The following KPTN variants were observed in gnomAD, a reference collection of about 807,000 sequenced individuals.
The protein encoded by KPTN is kaptin, actin binding protein.
A neutral mutation model predicts 52.6 loss-of-function variants in KPTN; 36 were observed. The observed-to-expected ratio is 0.68, with a 90% CI of 0.52 to 0.90. The LOEUF (loss-of-function observed/expected upper bound fraction) is 0.90. Among genes scored for constraint, KPTN ranks in the 40% least tolerant of loss-of-function variants. The probability of loss-of-function intolerance (pLI) is 0.00; values close to 1 mark genes in which losing one functional copy is unlikely to be tolerated. For missense variants in KPTN, 529 were observed against 576.2 expected, an observed-to-expected ratio of 0.92 and a Z score of 0.84; for synonymous variants, 271 against 248.4, an observed-to-expected ratio of 1.09 and a Z score of -0.85.
chr19:47,475,570 G>A (rs1451002478), intron 11 of KPTN, 26 bp from the exon 12 acceptor site: 2 of 1,608,566 alleles, frequency 1.2e-6, no homozygotes, highest in Admixed American at 1.7e-5. Context: ...GAATGAGGGG[G>A]ATGGAGCTGA....
chr19:47,479,842 C>A (rs970775505), intron 8 of KPTN, 21 bp downstream of exon 8: 31 of 1,597,122 alleles, frequency 1.9e-5, no homozygotes, highest in Non-Finnish European at 2.6e-5. Flanking sequence ...CTCTCCCCAT[C>A]CCCTCAAACC....
At chr19:47,479,515 A>C (rs2122686411) in intron 8 of KPTN, among the ~76,000 whole-genome samples, 2 of 152,264 alleles carry the variant, frequency 1.3e-5, no homozygotes, top group Admixed American at 1.3e-4. Context: ...GGGTGAGGAA[A>C]TACCGATGTG....
rs74402029 is a variant in KPTN, at chr19:47,479,953, C to G, written c.710-13G>C. Reference sequence around the variant, plus strand: ...ATCTGCAGAACCTCTGCGTGGAGAGCGAGGATTCAGAGCCCCAACCCCACC... The same window carrying G: ...ATCTGCAGAACCTCTGCGTGGAGAGGGAGGATTCAGAGCCCCAACCCCACC... On this transcript the variant is annotated splice_polypyrimidine_tract_variant and intron_variant, in intron 7 of 11. Coordinates refer to ENST00000338134, the MANE Select transcript of KPTN (RefSeq NM_007059.4). 1.2e-5 allele frequency: 20 copies of G among 1,606,376 alleles called. No homozygotes were observed. The highest frequency in any genetic ancestry group is 1.7e-4 in the Middle Eastern group (1 of 6,006).
intron 4 of KPTN, among the ~76,000 whole-genome samples, chr19:47,482,180 A>G (rs560190227): frequency 9.2e-5 from 14 of 152,344 alleles, no homozygotes; most frequent in Admixed American, 9.2e-4. Flanking sequence ...CATCCGGTCC[A>G]TGGCCACCTT....
upstream of KPTN, chr19:47,484,265 G>A: frequency 7.4e-7 from 1 of 1,356,984 alleles, no homozygotes; most frequent in African/African-American, 1.5e-5. Flanking sequence ...CCGTTGCGCG[G>A]GCTGATGACG....
In KPTN at chr19:47,483,591, G is replaced by A. The variant is rs781726445; in HGVS notation, c.227-7C>T. On this transcript the variant is annotated splice_region_variant and splice_polypyrimidine_tract_variant and intron_variant, in intron 1 of 11. Transcript: ENST00000338134. ...GAGACAATCTCCGCATCCACTGGGA[G>A]GGGAGAGTTCTAAGTTCAGTGTCAG... 7.8e-6 allele frequency: 12 copies of A among 1,548,160 alleles called. 1 individual carries two copies. The South Asian group carries it at 1.2e-4, about 15-fold the overall frequency.
Position 47,475,377 on chromosome 19 carries a change from G to A in KPTN, c.*39C>T, listed in dbSNP as rs1967626449. The A allele has an allele frequency of 1.2e-6, 2 of 1,602,574 alleles. No homozygotes were observed. The highest frequency in any genetic ancestry group is 1.7e-6 in the Non-Finnish European group (2 of 1,173,068). On this transcript the variant is annotated 3_prime_UTR_variant, in exon 12 of 12. Coordinates refer to ENST00000338134, the MANE Select transcript of KPTN (RefSeq NM_007059.4). ...CAGCGGCTGGAGGTGAGCACGCCATGAGTCGCCCCAGGTCTGGGAAGAGTG... is the reference window on the plus strand; with the variant it reads ...CAGCGGCTGGAGGTGAGCACGCCATAAGTCGCCCCAGGTCTGGGAAGAGTG...
At chr19:47,475,715 G>A (rs778764564) in intron 11 of KPTN, among the ~76,000 whole-genome samples, 171 bp from the exon 12 acceptor site, 1 of 152,164 alleles carries the variant, frequency 6.6e-6, no homozygotes, top group Non-Finnish European at 1.5e-5. Flanking sequence ...CAGGGGTGAA[G>A]GGGAGTGGCC....
In KPTN at chr19:47,475,268, TG is replaced by T; in HGVS notation, c.*147del. On this transcript the variant is annotated 3_prime_UTR_variant, in exon 12 of 12. Coordinates refer to ENST00000338134, the MANE Select transcript of KPTN (RefSeq NM_007059.4). ...GGACATTGACGTACAGAGAGAGGAG[TG>T]GGTTAGCTGGGGCCCCAGGGCACAG... 3 of 722,258 alleles carry T rather than the reference TG, an allele frequency of 4.2e-6. No individual in the cohort carries two copies. Among genetic ancestry groups the T allele is most frequent in the Non-Finnish European group, 6.6e-6 (3 of 453,070 alleles). 44.7% of individuals were successfully genotyped at this position (722,258 alleles called of 1,614,324 possible). A position where few individuals can be genotyped will look rare whatever the true frequency, so the allele number is the denominator to read the frequency against.
upstream of KPTN, among the ~76,000 whole-genome samples, chr19:47,485,538 G>A (rs1227995549): frequency 1.3e-5 from 2 of 152,212 alleles, no homozygotes; most frequent in Admixed American, 1.3e-4. Flanking sequence ...AGCACACACA[G>A]ACTGCAAGCT....
In KPTN at chr19:47,475,477, C is replaced by T. The variant is rs372235519; in HGVS notation, c.1250G>A (p.Arg417His). Residue 417 changes from arginine to histidine, a missense_variant, in exon 12 of 12, where the codon CGT (arginine) becomes CAT (histidine). Arg to His is a conservative substitution (Grantham distance 29). Coordinates refer to ENST00000338134, the MANE Select transcript of KPTN (RefSeq NM_007059.4). ...RLRHQVEQRR[R>H]RLQGLEDGAG... ...CCCGTCCTCCAACCCCTGTAGCCGA[C>T]GTCTCCTCTGCTCCACTTGATGTCG... The T allele has an allele frequency of 2.3e-5, 37 of 1,613,398 alleles. No homozygotes were observed. The highest frequency in any genetic ancestry group is 2.7e-5 in the Non-Finnish European group (32 of 1,179,574).
At chr19:47,485,314 T>A (rs552297432), upstream of KPTN, among the ~76,000 whole-genome samples, 2 of 152,330 alleles carry the variant, frequency 1.3e-5, no homozygotes, top group South Asian at 4.1e-4. Context: ...TTAGAGAGAA[T>A]CAAATGGAGG....
intron 8 of KPTN, among the ~76,000 whole-genome samples, chr19:47,478,838 C>G (rs1967767604): frequency 6.6e-6 from 1 of 152,138 alleles, no homozygotes; most frequent in East Asian, 1.9e-4. Context: ...GGGGGCCAAC[C>G]TATGAGTATG....
intron 1 of KPTN, 129 bp downstream of exon 1, chr19:47,483,805 TC>T (rs1967976023): frequency 7.7e-7 from 1 of 1,302,940 alleles, no homozygotes; most frequent in African/African-American, 1.5e-5. Flanking sequence ...TGCCCGCTGA[TC>T]CCAGTGACCC....
In KPTN at chr19:47,477,711, C is replaced by T. The variant is rs761056677; in HGVS notation, c.858G>A (p.Val286=). The change falls in exon 9 of 12, where the codon GTG becomes GTA. Residue 286 remains valine, a synonymous_variant. Transcript: ENST00000338134. ...LVASMLEPAV[V]YRDLLNRGLE... ...TGTGTCTCAGGCCCCCTCACCGATA[C>T]ACCACTGCTGGCTCCAACATGCTGG... 1.2e-6 allele frequency: 2 copies of T among 1,613,042 alleles called. No individual in the cohort carries two copies. The highest frequency in any genetic ancestry group is 2.7e-5 in the African/African-American group (2 of 74,914).
Position 47,476,723 on chromosome 19 carries a change from G to A in KPTN, c.1000-9C>T. On this transcript the variant is annotated splice_polypyrimidine_tract_variant and intron_variant, in intron 10 of 11. Transcript: ENST00000338134. ...TTATAACACAGCAGTTCCTGCGGGG[G>A]TGAAGAATCAGGTCACACAGGTTGA... The A allele has an allele frequency of 6.2e-7, 1 of 1,609,580 alleles. No homozygotes were observed. Among genetic ancestry groups the A allele is most frequent in the Non-Finnish European group, 8.5e-7 (1 of 1,177,746 alleles).
intron 5 of KPTN, 49 bp downstream of exon 5, chr19:47,480,909 C>A: frequency 1.2e-6 from 2 of 1,610,756 alleles, no homozygotes; most frequent in Non-Finnish European, 1.7e-6. Flanking sequence ...CCAGCGCCAG[C>A]CCACAGTGAA....
In KPTN at chr19:47,478,567, T is replaced by TA. The variant is rs757744803; in HGVS notation, c.788-787dup. On this transcript the variant is annotated intron_variant, in intron 8 of 11. Coordinates refer to ENST00000338134, the MANE Select transcript of KPTN (RefSeq NM_007059.4). ...CAACCAGCCTGACCAAGACTCTGTCTAAAAAAAAAAAAAAAAAAAAAGACA... is the reference window on the plus strand; with the variant it reads ...CAACCAGCCTGACCAAGACTCTGTCTAAAAAAAAAAAAAAAAAAAAAAGACA... Among the ~76,000 whole-genome samples, 20 of 66,234 alleles carry TA rather than the reference T, an allele frequency of 3.0e-4. 1 individual carries two copies. The highest frequency in any genetic ancestry group is 8.8e-4 in the African/African-American group (18 of 20,402). The allele number at this position is 66,234 out of a possible 152,430, so 43.5% of individuals were successfully genotyped here.
chr19:47,479,954 G>A lies in KPTN; in HGVS notation c.710-14C>T, dbSNP rs201175857. The A allele has an allele frequency of 9.6e-5, 154 of 1,603,866 alleles. 1 individual carries two copies. In the African/African-American group the frequency reaches 1.8e-3, roughly 19 times the overall value. On this transcript the variant is annotated splice_polypyrimidine_tract_variant and intron_variant, in intron 7 of 11. Coordinates refer to ENST00000338134, the MANE Select transcript of KPTN (RefSeq NM_007059.4). ...TCTGCAGAACCTCTGCGTGGAGAGC[G>A]AGGATTCAGAGCCCCAACCCCACCC... is the stretch of plus-strand genomic sequence containing the variant.
Sources: allele counts gnomAD v4.1 joint callset (sites outside exome capture counted in the v4.1 genomes callset), GRCh38; gene constraint gnomAD v4.1.1; transcripts MANE v1.5; gene names NCBI Gene and HGNC (gene_info 2026-07-23, HGNC 2026-07-21).